The following PRH1 variants were observed in gnomAD, a reference collection of about 807,000 sequenced individuals.
The protein encoded by PRH1 is salivary acidic proline-rich phosphoprotein 1/2.
A neutral mutation model predicts 7.9 loss-of-function variants in PRH1; 7 were observed. The observed-to-expected ratio is 0.89, with a 90% confidence interval of 0.50 to 1.67. The LOEUF (loss-of-function observed/expected upper bound fraction) is 1.67. PRH1 is among the 40% of genes most tolerant of loss of function. The probability of loss-of-function intolerance (pLI) is 0.00; values close to 1 mark genes in which losing one functional copy is unlikely to be tolerated. For missense variants in PRH1, 109 were observed against 223.6 expected (o/e 0.49, Z 3.27); for synonymous variants, 45 against 80.8 (o/e 0.56, Z 2.38).
At chr12:11,029,623 G>A (rs887804133) in intron 1 of PRH1, among the ~76,000 whole-genome samples, 18 of 152,196 alleles carry the variant, frequency 1.2e-4, no homozygotes, top group Admixed American at 1.2e-3. Context: ...AAGAAATGAC[G>A]TTTCTAACTG....
At chr12:11,051,751 T>C (rs1943155350), upstream of PRH1, among the ~76,000 whole-genome samples, 1 of 152,344 alleles carries the variant, frequency 6.6e-6, no homozygotes, top group Non-Finnish European at 1.5e-5. Flanking sequence ...TATATGTTCG[T>C]ATTCATGGCT....
rs552903272 is a variant in PRH1 at position 10,996,244 on chromosome 12, A to G, written c.-125-22523T>C. Among the ~76,000 whole-genome samples the G allele has an allele frequency of 6.8e-4, 103 of 152,016 alleles. 2 individuals are homozygous for G. In the South Asian group the frequency reaches 0.021, roughly 31 times the overall value. ...CTCAGGAGGCTGACGCATGGAAATC[A>G]CTTGAACCCCAGAGGTGAACGTTGT... On this transcript the variant is annotated intron_variant, in intron 1 of 3. Transcript: ENST00000539853.
Position 11,126,604 on chromosome 12 carries a change from A to T in PRH1, n.40-5424T>A, listed in dbSNP as rs140939544. On this transcript the variant is annotated intron_variant and non_coding_transcript_variant, in intron 1 of 1. Transcript: ENST00000541175. ...ATGTGTGTGTATATGTATTCTGATA[A>T]GAGTGCAATAGTGGGTCTTCAGATG... Among the ~76,000 whole-genome samples the T allele has an allele frequency of 2.4e-3, 363 of 151,440 alleles. 1 individual carries two copies. The highest frequency in any genetic ancestry group is 8.3e-3 in the African/African-American group (346 of 41,504).
chr12:10,951,838 T>G (rs1937688142), intron 2 of PRH1, among the ~76,000 whole-genome samples: 1 of 152,164 alleles, frequency 6.6e-6, no homozygotes, highest in Non-Finnish European at 1.5e-5. Context: ...TATTTAATGG[T>G]TTAAGATTAA....
intron 1 of PRH1, among the ~76,000 whole-genome samples, chr12:11,027,275 C>CAAT (rs1164153466): frequency 1.4e-5 from 2 of 146,310 alleles, no homozygotes; most frequent in Non-Finnish European, 3.0e-5. Context: ...AAAATAATAG[C>CAAT]AATAATAATA....
intron 2 of PRH1, among the ~76,000 whole-genome samples, chr12:10,950,526 T>C (rs1417552117): frequency 6.6e-6 from 1 of 151,966 alleles, no homozygotes; most frequent in East Asian, 1.9e-4. Flanking sequence ...TGATTTCATA[T>C]ACATTTCTTA....
At chr12:11,016,678 T>C (rs1407370308) in intron 1 of PRH1, among the ~76,000 whole-genome samples, 1 of 152,122 alleles carries the variant, frequency 6.6e-6, no homozygotes, top group Non-Finnish European at 1.5e-5. Flanking sequence ...CTACCTAGAG[T>C]TTTGACTCAT....
intron 2 of PRH1, among the ~76,000 whole-genome samples, chr12:10,924,144 C>T (rs1367083824): frequency 6.6e-6 from 1 of 151,854 alleles, no homozygotes; most frequent in African/African-American, 2.4e-5. Context: ...CCTGCCACCA[C>T]GCCCAGCTAA....
chr12:10,910,298 T>C (rs188596415), intron 2 of PRH1, among the ~76,000 whole-genome samples: 1 of 152,190 alleles, frequency 6.6e-6, no homozygotes. Flanking sequence ...AAATAACTAA[T>C]AATAAAATAG....
intron 2 of PRH1, chr12:10,931,255 CTCT>C: frequency 7.4e-7 from 1 of 1,355,798 alleles, no homozygotes; most frequent in Non-Finnish European, 9.9e-7. Flanking sequence ...TTTAAACAAT[CTCT>C]TGAAGGCAAT....
At chr12:11,058,823 C>G (rs1368370326) in intron 1 of PRH1, among the ~76,000 whole-genome samples, 2 of 152,170 alleles carry the variant, frequency 1.3e-5, no homozygotes, top group Non-Finnish European at 2.9e-5. Flanking sequence ...TGCAACTGTG[C>G]AAGTCATATG....
chr12:11,089,427 G>C (rs1944807514), intron 1 of PRH1, among the ~76,000 whole-genome samples: 2 of 54,158 alleles, frequency 3.7e-5, no homozygotes, highest in African/African-American at 9.0e-5. Context: ...TCTGGAAAAA[G>C]TGCTGGAAGC....
At chr12:11,023,354 G>A (rs115693778) in intron 1 of PRH1, among the ~76,000 whole-genome samples, 2,314 of 152,190 alleles carry the variant, frequency 0.015, 19 homozygotes, top group South Asian at 0.031. Context: ...TTCCAACTCA[G>A]GGCTGTCAGA....
intron 2 of PRH1, among the ~76,000 whole-genome samples, chr12:10,965,603 GT>G (rs1253930530): frequency 2.0e-5 from 3 of 152,160 alleles, no homozygotes; most frequent in African/African-American, 7.2e-5. Flanking sequence ...TTCAATGTCT[GT>G]TCTTGTTAGA....
intron 1 of PRH1, among the ~76,000 whole-genome samples, chr12:11,014,930 T>C (rs1941224035): frequency 6.6e-6 from 1 of 151,954 alleles, no homozygotes; most frequent in Non-Finnish European, 1.5e-5. Context: ...GGCCTGGCAG[T>C]TGTCACACTG....
chr12:11,049,364 A>T (rs1312796841), upstream of PRH1: 1 of 245,692 alleles, frequency 4.1e-6, no homozygotes, highest in Non-Finnish European at 7.8e-6. Context: ...TTAAATGTGT[A>T]GTAACATTTT....
intron 1 of PRH1, among the ~76,000 whole-genome samples, chr12:11,086,073 A>T (rs1285632876): frequency 1.7e-5 from 2 of 115,312 alleles, no homozygotes; most frequent in Admixed American, 8.9e-5. Flanking sequence ...TGTATAACTT[A>T]TTGTTAACAA....
intron 2 of PRH1, among the ~76,000 whole-genome samples, chr12:10,951,401 C>T (rs1265709558): frequency 6.6e-6 from 1 of 152,114 alleles, no homozygotes; most frequent in Non-Finnish European, 1.5e-5. Flanking sequence ...TTTCTCAATA[C>T]CAGATACATG....
intron 2 of PRH1, chr12:10,909,259 T>G (rs888217569): frequency 5.6e-6 from 9 of 1,613,594 alleles, no homozygotes; most frequent in Non-Finnish European, 7.6e-6. Context: ...AATTCTGCAA[T>G]TATTACAAGA....
Sources: allele counts gnomAD v4.1 joint callset (sites outside exome capture counted in the v4.1 genomes callset), GRCh38; gene constraint gnomAD v4.1.1; transcripts MANE v1.5; gene names NCBI Gene and HGNC (gene_info 2026-07-23, HGNC 2026-07-21).